The following STK31 variants were observed in gnomAD, a reference collection of about 807,000 sequenced individuals.
The protein encoded by STK31 is serine/threonine-protein kinase 31.
A neutral mutation model predicts 129.7 loss-of-function variants in STK31; 89 were observed. The ratio of observed to expected loss-of-function variants is 0.69; its 90% CI spans 0.58 to 0.82. The LOEUF (loss-of-function observed/expected upper bound fraction) is 0.82, where lower values mean the gene tolerates loss of function less well. Among genes scored for constraint, STK31 ranks in the 40% least tolerant of loss-of-function variants. The probability of loss-of-function intolerance (pLI) is 0.00; values close to 1 mark genes in which losing one functional copy is unlikely to be tolerated. For synonymous variants in STK31, 448 were observed against 395.3 expected (o/e 1.13, Z -1.58); for missense variants, 1,187 against 1,176.4 (o/e 1.01, Z -0.13).
intron 22 of STK31, among the ~76,000 whole-genome samples, chr7:23,813,051 T>TCTCA (rs1793239242): frequency 6.6e-6 from 1 of 150,906 alleles, no homozygotes; most frequent in Admixed American, 6.6e-5. Context: ...TTTGTTATTG[T>TCTCA]CTCACAGGTC....
Position 23,785,487 on chromosome 7 carries a change from G to C in STK31, c.2158G>C (p.Gly720Arg). ...AAAAACTTGTGCCTAGAACTCTGGTGGTCTCCTTACAATGAGCTTGGAACG... is the reference window on the plus strand; with the variant it reads ...AAAAACTTGTGCCTAGAACTCTGGTCGTCTCCTTACAATGAGCTTGGAACG... The part of the protein sequence containing the change: ...IGLLKYMNSG[G>R]LLTMSLERDL... The change falls in exon 18 of 24, where the codon GGT (glycine) becomes CGT (arginine). Residue 720 changes from glycine (G) to arginine (R), a missense_variant. Transcript: ENST00000355870. The C allele has an allele frequency of 6.2e-7, 1 of 1,613,412 alleles. No homozygotes were observed. Among genetic ancestry groups the C allele is most frequent in the South Asian group, 1.1e-5 (1 of 91,014 alleles).
intron 22 of STK31, among the ~76,000 whole-genome samples, chr7:23,801,521 T>C (rs541766461): frequency 6.6e-6 from 1 of 152,180 alleles, no homozygotes; most frequent in Non-Finnish European, 1.5e-5. Context: ...CAGTGTCTTT[T>C]GCAGAGAAAA....
chr7:23,822,283 A>G (rs989468958), intron 23 of STK31, among the ~76,000 whole-genome samples: 15 of 152,044 alleles, frequency 9.9e-5, no homozygotes, highest in Non-Finnish European at 2.1e-4. Context: ...GTGTCTTTCC[A>G]TTTGTTAGTG....
intron 22 of STK31, among the ~76,000 whole-genome samples, chr7:23,801,431 A>G (rs1019773794): frequency 5.3e-5 from 8 of 152,150 alleles, no homozygotes; most frequent in African/African-American, 1.9e-4. Context: ...TCATAAATAC[A>G]TTCTAGATAG....
At chr7:23,720,209 A>G (rs1215808743) in intron 4 of STK31, among the ~76,000 whole-genome samples, 3 of 152,206 alleles carry the variant, frequency 2.0e-5, no homozygotes, top group Admixed American at 6.5e-5. Flanking sequence ...TGAACATGGC[A>G]TGGGTCCCAA....
intron 22 of STK31, among the ~76,000 whole-genome samples, chr7:23,803,465 C>T (rs1792504799): frequency 6.6e-6 from 1 of 152,142 alleles, no homozygotes; most frequent in Admixed American, 6.5e-5. Context: ...GGTTTTAGAT[C>T]ATTTTTCTTA....
chr7:23,727,214 T>C, intron 4 of STK31, 27 bp from the exon 5 acceptor site: 1 of 1,601,670 alleles, frequency 6.2e-7, no homozygotes, highest in Non-Finnish European at 8.6e-7. Context: ...AAATGCCAAG[T>C]AATTTTGCTT....
chr7:23,733,436 A>C (rs1787543289), intron 6 of STK31, among the ~76,000 whole-genome samples: 1 of 140,740 alleles, frequency 7.1e-6, no homozygotes, highest in Non-Finnish European at 1.5e-5. Flanking sequence ...GTGATTCTTG[A>C]GCATATGTAG....
intron 23 of STK31, among the ~76,000 whole-genome samples, chr7:23,826,838 C>G (rs1456972293): frequency 6.6e-6 from 1 of 152,122 alleles, no homozygotes; most frequent in Non-Finnish European, 1.5e-5. Flanking sequence ...TATTTTATTT[C>G]TCCTTCATTT....
At chr7:23,754,667 G>A (rs1377787424) in intron 10 of STK31, among the ~76,000 whole-genome samples, 193 bp downstream of exon 10, 6 of 151,952 alleles carry the variant, frequency 3.9e-5, no homozygotes, top group Non-Finnish European at 7.4e-5. Flanking sequence ...ATTTCCTAAC[G>A]AGCCCTGGTG....
chr7:23,730,972 C>T (rs1331247528), intron 6 of STK31, among the ~76,000 whole-genome samples: 1 of 146,680 alleles, frequency 6.8e-6, no homozygotes, highest in Non-Finnish European at 1.5e-5. Flanking sequence ...GCAACCTCCG[C>T]CTCTTGGGTT....
chr7:23,764,296 C>A (rs1584406072), intron 11 of STK31, among the ~76,000 whole-genome samples: 1 of 152,152 alleles, frequency 6.6e-6, no homozygotes. Flanking sequence ...TAATTAAGAT[C>A]ATCTTTAAAC....
chr7:23,776,514 T>G (rs1790555341), intron 15 of STK31, among the ~76,000 whole-genome samples: 1 of 152,192 alleles, frequency 6.6e-6, no homozygotes, highest in Non-Finnish European at 1.5e-5. Flanking sequence ...CAGAACTTAT[T>G]GTTGGTCTAT....
At position 23,832,397 on chromosome 7, in the gene STK31, T is replaced by A; in HGVS notation, c.*31T>A. Reference sequence around the variant, plus strand: ...TATTGTTGTTGTTGCAGAGGTTCTTTTTAAAAACTTTGGTTTGGTTAATAC... The same window carrying A: ...TATTGTTGTTGTTGCAGAGGTTCTTATTAAAAACTTTGGTTTGGTTAATAC... On this transcript the variant is annotated 3_prime_UTR_variant, in exon 24 of 24. Coordinates refer to ENST00000355870, the MANE Select transcript of STK31 (RefSeq NM_031414.5). The A allele has an allele frequency of 6.8e-7, 1 of 1,462,802 alleles. No homozygotes were observed. Among genetic ancestry groups the A allele is most frequent in the Admixed American group, 2.2e-5 (1 of 46,278 alleles). 90.6% of individuals were successfully genotyped at this position (1,462,802 alleles called of 1,614,324 possible).
intron 20 of STK31, 133 bp from the exon 21 acceptor site, chr7:23,787,847 G>C (rs1410343697): frequency 3.1e-5 from 24 of 783,380 alleles, no homozygotes. Flanking sequence ...CTTTCTCTAT[G>C]CTGTATTCTT....
chr7:23,831,927 G>A (rs2128135303), intron 23 of STK31, among the ~76,000 whole-genome samples: 1 of 152,250 alleles, frequency 6.6e-6, no homozygotes, highest in Admixed American at 6.5e-5. Context: ...ATAAGCCACT[G>A]TGCCCAGCCA....
intron 23 of STK31, among the ~76,000 whole-genome samples, chr7:23,822,567 A>G (rs10257431): frequency 0.76 from 115,887 of 152,112 alleles, 44,748 homozygotes; most frequent in African/African-American, 0.88. Context: ...AGATTATGTC[A>G]TCTGCAAAGA....
intron 22 of STK31, among the ~76,000 whole-genome samples, chr7:23,800,763 A>G (rs2128120310): frequency 6.6e-6 from 1 of 152,290 alleles, no homozygotes; most frequent in Middle Eastern, 3.4e-3. Flanking sequence ...AAGAAAAAAT[A>G]GAAAAAAATA....
intron 8 of STK31, among the ~76,000 whole-genome samples, chr7:23,740,605 A>T (rs1788000638): frequency 1.3e-5 from 2 of 152,056 alleles, no homozygotes; most frequent in African/African-American, 4.8e-5. Flanking sequence ...TTAACTCGTC[A>T]TTTAGCATTA....
Sources: allele counts gnomAD v4.1 joint callset (sites outside exome capture counted in the v4.1 genomes callset), GRCh38; gene constraint gnomAD v4.1.1; transcripts MANE v1.5; gene names NCBI Gene and HGNC (gene_info 2026-07-23, HGNC 2026-07-21).